Variants in SLC38A9 observed in about 807,000 individuals in gnomAD.
SLC38A9 encodes the protein solute carrier family 38 member 9, also known as neutral amino acid transporter 9.
A neutral mutation model predicts 62.3 loss-of-function variants in SLC38A9; 48 were observed. The ratio of observed to expected loss-of-function variants is 0.77; its 90% confidence interval spans 0.61 to 0.98. The LOEUF (loss-of-function observed/expected upper bound fraction) is 0.98, where lower values mean the gene tolerates loss of function less well. SLC38A9 is among the 50% of genes least tolerant of loss of function. The probability of loss-of-function intolerance (pLI) is 0.00; values close to 1 mark genes in which losing one functional copy is unlikely to be tolerated. For missense variants in SLC38A9, 541 were observed against 679.8 expected, an observed-to-expected ratio of 0.80 and a Z score of 2.27; for synonymous variants, 204 against 227.7, an observed-to-expected ratio of 0.90 and a Z score of 0.94.
chr5:55,679,675 G>T (rs1048601897), intron 3 of SLC38A9, among the ~76,000 whole-genome samples: 2 of 151,846 alleles, frequency 1.3e-5, no homozygotes, highest in African/African-American at 4.8e-5. Context: ...TTTTAACCAA[G>T]TTAAGATGCT....
At chr5:55,630,404 G>A (rs1322342910) in intron 14 of SLC38A9, among the ~76,000 whole-genome samples, 1 of 151,920 alleles carries the variant, frequency 6.6e-6, no homozygotes, top group Non-Finnish European at 1.5e-5. Flanking sequence ...TGCAACCTCC[G>A]CCTCCTGGGT....
chr5:55,668,705 C>T (rs1476039156), intron 7 of SLC38A9, among the ~76,000 whole-genome samples: 1 of 152,200 alleles, frequency 6.6e-6, no homozygotes, highest in Non-Finnish European at 1.5e-5. Flanking sequence ...TCCTAGACTA[C>T]TTTAAAACAA....
At chr5:55,693,710 T>C (rs1031598471) in intron 3 of SLC38A9, among the ~76,000 whole-genome samples, 7 of 152,188 alleles carry the variant, frequency 4.6e-5, no homozygotes, top group African/African-American at 7.2e-5. Flanking sequence ...CTGATTCTAA[T>C]ATACATATTT....
intron 12 of SLC38A9, among the ~76,000 whole-genome samples, chr5:55,639,936 A>G (rs1452275436): frequency 6.6e-6 from 1 of 151,252 alleles, no homozygotes; most frequent in African/African-American, 2.4e-5. Flanking sequence ...TTCATAACCC[A>G]ATTTCAATTA....
chr5:55,663,464 G>A (rs1421056480), intron 8 of SLC38A9, among the ~76,000 whole-genome samples: 2 of 151,840 alleles, frequency 1.3e-5, no homozygotes, highest in Non-Finnish European at 2.9e-5. Flanking sequence ...GGCCAGGTGC[G>A]GTGGCTCATG....
intron 3 of SLC38A9, among the ~76,000 whole-genome samples, chr5:55,680,590 C>A (rs1028445754): frequency 2.1e-5 from 2 of 95,064 alleles, no homozygotes; most frequent in South Asian, 4.2e-4. Context: ...GACTTCTCAG[C>A]TTCCAGATTG....
chr5:55,626,581 T>C lies in SLC38A9; in HGVS notation c.1599A>G (p.Glu533=), dbSNP rs759869392. Residue 533 remains glutamate (E), a synonymous_variant, in exon 16 of 16, where the codon GAA becomes GAG. Coordinates refer to ENST00000396865, the MANE Select transcript of SLC38A9 (RefSeq NM_173514.4). Reference sequence around the variant, plus strand: ...TTAATTTAGGCCATGTCAGACGCTCTTCTTGGTGGAGGGAAATTATATAGA... The same window carrying C: ...TTAATTTAGGCCATGTCAGACGCTCCTCTTGGTGGAGGGAAATTATATAGA... ...SLIYIISLHQ[E]ERLTWPKLIF... 6.2e-7 allele frequency: 1 copy of C among 1,613,966 alleles called. No homozygotes were observed. The highest frequency in any genetic ancestry group is 1.7e-5 in the Admixed American group (1 of 60,010).
chr5:55,653,528 T>C (rs1747895164), intron 9 of SLC38A9, among the ~76,000 whole-genome samples: 2 of 152,176 alleles, frequency 1.3e-5, no homozygotes, highest in African/African-American at 2.4e-5. Flanking sequence ...TGCCATGATA[T>C]CATAATCACT....
intron 15 of SLC38A9, among the ~76,000 whole-genome samples, chr5:55,627,385 C>T (rs1318167439): frequency 6.7e-6 from 1 of 149,724 alleles, no homozygotes; most frequent in African/African-American, 2.4e-5. Flanking sequence ...CTACTCTATT[C>T]ATCCTGTCAC....
chr5:55,647,123 C>A (rs1393018801), intron 11 of SLC38A9, among the ~76,000 whole-genome samples: 1 of 151,924 alleles, frequency 6.6e-6, no homozygotes, highest in Non-Finnish European at 1.5e-5. Flanking sequence ...GAGGGGGTAT[C>A]CACAAAAATA....
intron 3 of SLC38A9, among the ~76,000 whole-genome samples, chr5:55,677,646 C>T (rs868727666): frequency 2.0e-5 from 3 of 152,062 alleles, no homozygotes; most frequent in African/African-American, 7.2e-5. Flanking sequence ...ATCCTCTTGC[C>T]TCAGCCTCCC....
chr5:55,710,678 C>T (rs969475697), intron 2 of SLC38A9, among the ~76,000 whole-genome samples: 1 of 151,850 alleles, frequency 6.6e-6, no homozygotes, highest in African/African-American at 2.4e-5. Flanking sequence ...TGCGGTGGCA[C>T]GATCTCAGCT....
chr5:55,703,615 A>C (rs1184191398), intron 2 of SLC38A9, among the ~76,000 whole-genome samples: 1 of 152,236 alleles, frequency 6.6e-6, no homozygotes, highest in Non-Finnish European at 1.5e-5. Context: ...AAAAAACAAA[A>C]GCCTGCTCTT....
chr5:55,640,020 C>G lies in SLC38A9; in HGVS notation c.1168-4363G>C, dbSNP rs10078020. 6.6e-3 allele frequency among the ~76,000 whole-genome samples: 811 copies of G among 123,476 alleles called. 4 individuals carry two copies. Among genetic ancestry groups the G allele is most frequent in the Middle Eastern group, 0.014 (2 of 142 alleles). 81.0% of individuals were successfully genotyped at this position (123,476 alleles called of 152,430 possible). A position where few individuals can be genotyped will look rare whatever the true frequency, so the allele number is the denominator to read the frequency against. Reference sequence around the variant, plus strand: ...TTTTTTTTTGAGATGGAGTCTCGCTCTGTCACCCAGGCTGGAGGGCAGTGG... The same window carrying G: ...TTTTTTTTTGAGATGGAGTCTCGCTGTGTCACCCAGGCTGGAGGGCAGTGG... On this transcript the variant is annotated intron_variant, in intron 12 of 15. Coordinates refer to ENST00000396865, the MANE Select transcript of SLC38A9 (RefSeq NM_173514.4).
chr5:55,689,654 C>G (rs1361296600), intron 3 of SLC38A9, among the ~76,000 whole-genome samples: 3 of 152,174 alleles, frequency 2.0e-5, no homozygotes, highest in African/African-American at 7.2e-5. Flanking sequence ...AAAAAACCCA[C>G]ACTTTTGATT....
chr5:55,628,843 T>C (rs1580051858), intron 14 of SLC38A9, among the ~76,000 whole-genome samples: 1 of 152,140 alleles, frequency 6.6e-6, no homozygotes, highest in African/African-American at 2.4e-5. Flanking sequence ...AGATGAAAAT[T>C]TGATGCTGAA....
chr5:55,662,687 C>CA (rs200454419), intron 8 of SLC38A9, among the ~76,000 whole-genome samples: 27,895 of 141,050 alleles, frequency 0.2, 2,803 homozygotes, highest in Middle Eastern at 0.27. Context: ...AAAAAAAAAC[C>CA]AAAAAAAAAA....
At chr5:55,704,160 C>G (rs948470261) in intron 2 of SLC38A9, 3 of 152,038 alleles carry the variant, frequency 2.0e-5, no homozygotes, top group African/African-American at 7.2e-5. Flanking sequence ...AGAGTGAGAC[C>G]TTGTCTCAAA....
intron 4 of SLC38A9, among the ~76,000 whole-genome samples, chr5:55,670,149 T>C (rs900140632): frequency 6.6e-6 from 1 of 151,698 alleles, no homozygotes; most frequent in Non-Finnish European, 1.5e-5. Context: ...TATTTTTTTG[T>C]AGAGACGGGG....
Sources: gnomAD v4.1 joint callset for allele counts (sites outside exome capture counted in the v4.1 genomes callset) on GRCh38, gnomAD v4.1.1 for gene constraint, MANE v1.5 for transcripts, NCBI Gene and HGNC (gene_info 2026-07-23, HGNC 2026-07-21) for gene names.